The following MNAT1 variants were observed in gnomAD, a reference collection of about 807,000 sequenced individuals.
The protein encoded by MNAT1 is CDK-activating kinase assembly factor MAT1.
In MNAT1, 43 loss-of-function variants were observed where a neutral mutation model predicts 42.0. The observed-to-expected ratio is 1.02, with a 90% CI of 0.80 to 1.32. MNAT1 has a LOEUF of 1.32. Among genes scored for constraint, MNAT1 ranks in the 40% most tolerant of loss-of-function variants. MNAT1 has a pLI of 0.00. For synonymous variants in MNAT1, 118 were observed against 120.0 expected (o/e 0.98, Z 0.11); for missense variants, 306 against 350.4 (o/e 0.87, Z 1.01).
chr14:60,890,665 A>G (rs778755136), intron 7 of MNAT1, among the ~76,000 whole-genome samples: 3 of 152,226 alleles, frequency 2.0e-5, no homozygotes, highest in Non-Finnish European at 4.4e-5. Context: ...AGAGTCCACA[A>G]GCCGAAGAAC....
Position 60,802,874 on chromosome 14 carries a change from T to C in MNAT1, c.316+4714T>C, listed in dbSNP as rs754149917. Among the ~76,000 whole-genome samples, 30 of 152,060 alleles carry C rather than the reference T, an allele frequency of 2.0e-4. No homozygotes were observed. The Middle Eastern group carries it at 0.021, about 104-fold the overall frequency. On this transcript the variant is annotated intron_variant, in intron 3 of 7. Transcript: ENST00000261245. ...TTAGACCTTTTAAGTTTTGTTAGAG[T>C]GTGGCTCCACCACTTAGTTGTATGG...
At chr14:60,959,175 G>A (rs1594912182) in intron 7 of MNAT1, among the ~76,000 whole-genome samples, 1 of 152,170 alleles carries the variant, frequency 6.6e-6, no homozygotes, top group East Asian at 1.9e-4. Flanking sequence ...AGATTCCTCA[G>A]CAGCCAGCAA....
chr14:60,844,007 T>C (rs2033618035), intron 6 of MNAT1, among the ~76,000 whole-genome samples: 1 of 152,146 alleles, frequency 6.6e-6, no homozygotes, highest in Non-Finnish European at 1.5e-5. Context: ...CATGTGAACA[T>C]TTAGTTGTAT....
At chr14:60,819,510 A>C (rs1006098707) in intron 6 of MNAT1, among the ~76,000 whole-genome samples, 1 of 152,074 alleles carries the variant, frequency 6.6e-6, no homozygotes, top group Admixed American at 6.6e-5. Flanking sequence ...ATTATCTTTT[A>C]AAATAGTCTC....
At chr14:60,784,179 A>ATTTTTTT (rs71114155) in intron 1 of MNAT1, among the ~76,000 whole-genome samples, 10,321 of 53,254 alleles carry the variant, frequency 0.19, 3,045 homozygotes, top group East Asian at 0.32. Context: ...TGCCTGGCTA[A>ATTTTTTT]TTTTTTTTTT....
At chr14:60,889,149 GT>G (rs2034767029) in intron 7 of MNAT1, among the ~76,000 whole-genome samples, 1 of 152,110 alleles carries the variant, frequency 6.6e-6, no homozygotes, top group African/African-American at 2.4e-5. Context: ...TGAGTCAATT[GT>G]AAGCCAAAAG....
At chr14:60,817,632 C>T (rs1406376447) in intron 5 of MNAT1, among the ~76,000 whole-genome samples, 3 of 151,958 alleles carry the variant, frequency 2.0e-5, no homozygotes, top group East Asian at 3.8e-4. Flanking sequence ...TAATTAACCA[C>T]ATTTGTGCCT....
At chr14:60,849,721 C>A (rs956464793) in intron 6 of MNAT1, among the ~76,000 whole-genome samples, 1 of 152,034 alleles carries the variant, frequency 6.6e-6, no homozygotes, top group Non-Finnish European at 1.5e-5. Flanking sequence ...TTCTATAATT[C>A]TTTTTCCATT....
Position 60,851,561 on chromosome 14 carries a change from C to T in MNAT1, c.688-28153C>T, listed in dbSNP as rs760218035. On this transcript the variant is annotated intron_variant, in intron 6 of 7. Transcript: ENST00000261245. The stretch of plus-strand genomic sequence containing the variant: ...AATATTTTTATTTTACTTTAAGTTC[C>T]GGCATACATTTACAGAACAATTGCA... 1.4e-4 allele frequency among the ~76,000 whole-genome samples: 21 copies of T among 151,998 alleles called. No individual in the cohort carries two copies. In the South Asian group the frequency reaches 3.1e-3, roughly 23 times the overall value.
rs1263664888 is a variant in MNAT1 at position 60,969,809 on chromosome 14, T to G, written c.*1460T>G. The G allele has an allele frequency of 1.3e-5, 2 of 152,216 alleles. No individual in the cohort carries two copies. Among genetic ancestry groups the G allele is most frequent in the African/African-American group, 4.8e-5 (2 of 41,458 alleles). 9.4% of individuals were successfully genotyped at this position (152,216 alleles called of 1,614,324 possible). A position where few individuals can be genotyped will look rare whatever the true frequency, so the allele number is the denominator to read the frequency against. On this transcript the variant is annotated 3_prime_UTR_variant, in exon 8 of 8. Coordinates refer to ENST00000261245, the MANE Select transcript of MNAT1 (RefSeq NM_002431.4). The stretch of plus-strand genomic sequence containing the variant: ...GTCTTTTGAAAAGAAACACTACTGC[T>G]TGTTCTCATACCTTTTATAAATGTA...
chr14:60,778,842 A>G (rs886844838), intron 1 of MNAT1, among the ~76,000 whole-genome samples: 5 of 152,214 alleles, frequency 3.3e-5, no homozygotes, highest in Non-Finnish European at 4.4e-5. Flanking sequence ...TATTCATTAT[A>G]TTAAGTATCC....
chr14:60,769,363 C>T (rs1440187571), intron 1 of MNAT1, among the ~76,000 whole-genome samples: 4 of 152,184 alleles, frequency 2.6e-5, no homozygotes, highest in Non-Finnish European at 5.9e-5. Context: ...CTTTGTTCTC[C>T]TGGGCTCAAG....
At chr14:60,925,396 G>C (rs977080442) in intron 7 of MNAT1, among the ~76,000 whole-genome samples, 4 of 152,052 alleles carry the variant, frequency 2.6e-5, no homozygotes, top group African/African-American at 9.7e-5. Context: ...AGATGCTAAG[G>C]GATGACTGTA....
intron 6 of MNAT1, among the ~76,000 whole-genome samples, chr14:60,854,571 T>C (rs999031420): frequency 6.6e-6 from 1 of 152,200 alleles, no homozygotes; most frequent in Admixed American, 6.5e-5. Flanking sequence ...TCGGCAGGTC[T>C]GCTGCAGTTT....
At chr14:60,963,027 G>A (rs755887819) in intron 7 of MNAT1, among the ~76,000 whole-genome samples, 2 of 152,050 alleles carry the variant, frequency 1.3e-5, no homozygotes, top group Non-Finnish European at 1.5e-5. Flanking sequence ...TGTCGCCCAG[G>A]CTGGAGTGCA....
At chr14:60,869,275 A>G (rs886803889) in intron 6 of MNAT1, among the ~76,000 whole-genome samples, 123 of 151,432 alleles carry the variant, frequency 8.1e-4, no homozygotes, top group Non-Finnish European at 1.7e-3. Context: ...TGCTGAGCTC[A>G]AGCAATCCGC....
At chr14:60,807,641 C>T (rs146908299) in intron 3 of MNAT1, among the ~76,000 whole-genome samples, 1 of 151,980 alleles carries the variant, frequency 6.6e-6, no homozygotes, top group Admixed American at 6.5e-5. Flanking sequence ...ATATGGCATT[C>T]ATAATTCAAA....
intron 6 of MNAT1, among the ~76,000 whole-genome samples, chr14:60,837,492 C>T (rs568839778): frequency 3.3e-5 from 5 of 152,202 alleles, no homozygotes; most frequent in East Asian, 1.9e-4. Context: ...TGACCCCATG[C>T]GCTTCCTGGG....
chr14:60,760,080 G>C (rs2140299109), intron 1 of MNAT1, among the ~76,000 whole-genome samples: 1 of 152,022 alleles, frequency 6.6e-6, no homozygotes, highest in South Asian at 2.1e-4. Context: ...AAACAGTTTT[G>C]GTACAATTAA....
Sources: gnomAD v4.1 joint callset for allele counts (sites outside exome capture counted in the v4.1 genomes callset) on GRCh38, gnomAD v4.1.1 for gene constraint, MANE v1.5 for transcripts, NCBI Gene and HGNC (gene_info 2026-07-23, HGNC 2026-07-21) for gene names.